Variants in MED17 observed in about 807,000 individuals in gnomAD.
MED17 encodes mediator complex subunit 17.
MED17 carries 49 observed loss-of-function variants against 80.8 expected under a neutral mutation model. The ratio of observed to expected loss-of-function variants is 0.61; its 90% CI spans 0.48 to 0.77. The LOEUF is 0.77. Ranked by LOEUF, MED17 falls within the 30% of genes least tolerant of loss-of-function variation. The pLI is 0.00. For synonymous variants in MED17, 281 were observed against 280.4 expected (o/e 1.00, Z -0.02); for missense variants, 718 against 787.0 (o/e 0.91, Z 1.05).
chr11:93,807,899 CAT>C (rs1301570464), intron 10 of MED17: 20 of 471,888 alleles, frequency 4.2e-5, no homozygotes, highest in East Asian at 1.3e-4. Context: ...TTTTTTCCCA[CAT>C]GTCATATTTG....
Position 93,797,686 on chromosome 11 carries a change from T to G in MED17, c.1295T>G (p.Ile432Ser). ...AGTGAAGGGCTTCTGGAAAAAATAATTAAACAAGCAAAGCATATTTTTCTA... is the reference window on the plus strand; with the variant it reads ...AGTGAAGGGCTTCTGGAAAAAATAAGTAAACAAGCAAAGCATATTTTTCTA... ...QSSEGLLEKI[I>S]KQAKHIFLRS... Residue 432 changes from isoleucine to serine, a missense_variant, in exon 8 of 12, where the codon ATT becomes AGT. Transcript: ENST00000251871. 6.2e-7 allele frequency: 1 copy of G among 1,613,600 alleles called. No homozygotes were observed. Among genetic ancestry groups the G allele is most frequent in the Non-Finnish European group, 8.5e-7 (1 of 1,179,572 alleles).
intron 10 of MED17, chr11:93,808,468 A>G (rs184072729): frequency 2.0e-5 from 3 of 151,090 alleles, no homozygotes; most frequent in East Asian, 3.9e-4. Flanking sequence ...CTTTCTTTTC[A>G]TATCTAACTG....
chr11:93,787,134 C>T (rs1943778775), intron 1 of MED17, among the ~76,000 whole-genome samples: 1 of 152,084 alleles, frequency 6.6e-6, no homozygotes, highest in Non-Finnish European at 1.5e-5. Flanking sequence ...CTCACTGGGG[C>T]CGGGCGCAGT....
At chr11:93,797,131 T>G in intron 7 of MED17, 1 of 219,618 alleles carries the variant, frequency 4.6e-6, no homozygotes, top group Non-Finnish European at 9.2e-6. Flanking sequence ...TATTTACTGA[T>G]TGCATGCGTT....
At position 93,794,985 on chromosome 11, in the gene MED17, C is replaced by T; in HGVS notation, c.937C>T (p.Arg313Trp). ...LCKEIFAQLS[R>W]EAVQIKSQVP... ...TAAAGAAATTTTTGCACAGCTCTCT[C>T]GGGAAGCTGTTCAAATTAAATCACA... Residue 313 changes from arginine to tryptophan, a missense_variant, in exon 6 of 12, where the codon CGG becomes TGG. Transcript: ENST00000251871. 1 of 1,614,044 alleles carries T rather than the reference C, an allele frequency of 6.2e-7. No individual in the cohort carries two copies. Among genetic ancestry groups the T allele is most frequent in the South Asian group, 1.1e-5 (1 of 91,074 alleles).
Position 93,796,558 on chromosome 11 carries a change from T to G in MED17, c.1143+18T>G. On this transcript the variant is annotated intron_variant, in intron 7 of 11. Coordinates refer to ENST00000251871, the MANE Select transcript of MED17 (RefSeq NM_004268.5). Reference sequence around the variant, plus strand: ...TTAGAGAGGTAAGGAAATAAATGTTTTTCTTTGCGCTGTGGTGAGTATGTC... The same window carrying G: ...TTAGAGAGGTAAGGAAATAAATGTTGTTCTTTGCGCTGTGGTGAGTATGTC... 6.2e-7 allele frequency: 1 copy of G among 1,613,610 alleles called. No individual in the cohort carries two copies. Among genetic ancestry groups the G allele is most frequent in the Non-Finnish European group, 8.5e-7 (1 of 1,179,756 alleles).
chr11:93,813,329 C>T lies in MED17; in HGVS notation c.*1265C>T, dbSNP rs563891302. 5.7e-4 allele frequency: 87 copies of T among 152,250 alleles called. 1 individual carries two copies. The highest frequency in any genetic ancestry group is 2.1e-3 in the African/African-American group (86 of 41,560). 9.4% of individuals were successfully genotyped at this position (152,250 alleles called of 1,614,324 possible). A position where few individuals can be genotyped will look rare whatever the true frequency, so the allele number is the denominator to read the frequency against. ...TTAAAGAAAAATGGAGCTTGTGGGC[C>T]ACGATAGAACAACTTTGTGCTTTTT... On this transcript the variant is annotated 3_prime_UTR_variant, in exon 12 of 12. Coordinates refer to ENST00000251871, the MANE Select transcript of MED17 (RefSeq NM_004268.5).
At chr11:93,809,673 A>G (rs1944066337) in intron 10 of MED17, 44 bp from the exon 11 acceptor site, 4 of 1,608,466 alleles carry the variant, frequency 2.5e-6, no homozygotes, top group African/African-American at 2.7e-5. Flanking sequence ...GTCACTGCAG[A>G]TATCTCTGCT....
At chr11:93,785,033 T>C in intron 1 of MED17, 1 of 571,084 alleles carries the variant, frequency 1.8e-6, no homozygotes, top group Non-Finnish European at 3.1e-6. Flanking sequence ...TGCTTCTCTG[T>C]AGAGGGCCTT....
At chr11:93,804,724 G>C (rs1013035974) in intron 9 of MED17, among the ~76,000 whole-genome samples, 20 of 152,158 alleles carry the variant, frequency 1.3e-4, no homozygotes, top group African/African-American at 4.8e-4. Context: ...ACACAGTTCA[G>C]TGGTCTTTAG....
At position 93,805,760 on chromosome 11, in the gene MED17, G is replaced by GT. The variant is rs1223577040; in HGVS notation, c.1467-1755dup. On this transcript the variant is annotated intron_variant, in intron 9 of 11. Transcript: ENST00000251871. The stretch of plus-strand genomic sequence containing the variant: ...ATTAATATATCTTCAAGCCTTTTGA[G>GT]TTTCGTTTTTCTTTGAGAAAACAAT... 4.6e-5 allele frequency among the ~76,000 whole-genome samples: 7 copies of GT among 152,098 alleles called. No homozygotes were observed. In the South Asian group the frequency reaches 1.2e-3, roughly 27 times the overall value.
chr11:93,797,338 T>C (rs763890995), intron 7 of MED17, 197 bp from the exon 8 acceptor site: 1 of 587,878 alleles, frequency 1.7e-6, no homozygotes. Context: ...AAGTTACAGC[T>C]TGAGAGCGAC....
At chr11:93,794,489 C>A in intron 5 of MED17, 1 of 253,522 alleles carries the variant, frequency 3.9e-6, no homozygotes, top group Middle Eastern at 1.5e-3. Flanking sequence ...CAGGCATGAG[C>A]CACCAGCACC....
chr11:93,787,810 G>A (rs999712192), intron 1 of MED17, among the ~76,000 whole-genome samples, 191 bp from the exon 2 acceptor site: 3 of 152,186 alleles, frequency 2.0e-5, no homozygotes, highest in African/African-American at 4.8e-5. Context: ...TTCATTTTGC[G>A]ATTGTAGGAA....
Position 93,812,399 on chromosome 11 carries a change from A to C in MED17, c.*335A>C. 2.0e-6 allele frequency: 1 copy of C among 502,664 alleles called. No individual in the cohort carries two copies. Among genetic ancestry groups the C allele is most frequent in the Non-Finnish European group, 3.5e-6 (1 of 289,596 alleles). 31.1% of individuals were successfully genotyped at this position (502,664 alleles called of 1,614,324 possible). A position where few individuals can be genotyped will look rare whatever the true frequency, so the allele number is the denominator to read the frequency against. ...TGACATCAAATAAAGTATGTGGTTTAAAAAAATCTCCAAATACCTTTTTTT... is the reference window on the plus strand; with the variant it reads ...TGACATCAAATAAAGTATGTGGTTTCAAAAAATCTCCAAATACCTTTTTTT... On this transcript the variant is annotated 3_prime_UTR_variant, in exon 12 of 12. Transcript: ENST00000251871.
intron 11 of MED17, chr11:93,811,243 A>G (rs1278765513): frequency 6.6e-6 from 1 of 152,342 alleles, no homozygotes; most frequent in Non-Finnish European, 1.5e-5. Flanking sequence ...TTAAAACCTG[A>G]AATTCTTAAT....
intron 9 of MED17, among the ~76,000 whole-genome samples, chr11:93,802,562 A>G (rs1943973627): frequency 6.6e-6 from 1 of 152,234 alleles, no homozygotes; most frequent in Non-Finnish European, 1.5e-5. Flanking sequence ...CCCGGCACTG[A>G]GCAGAAGGCT....
Position 93,797,300 on chromosome 11 carries a change from T to C in MED17, c.1144-235T>C, listed in dbSNP as rs1943914527. The C allele has an allele frequency of 5.9e-6, 3 of 512,006 alleles. No individual in the cohort carries two copies. The Admixed American group carries it at 1.0e-4, about 17-fold the overall frequency. 31.7% of individuals were successfully genotyped at this position (512,006 alleles called of 1,614,324 possible). On this transcript the variant is annotated intron_variant, in intron 7 of 11. Coordinates refer to ENST00000251871, the MANE Select transcript of MED17 (RefSeq NM_004268.5). ...CAAACCTTATTAGGATGTCGGCGCATTACCCATCTGACATGAGAAAAGGAA... is the reference window on the plus strand; with the variant it reads ...CAAACCTTATTAGGATGTCGGCGCACTACCCATCTGACATGAGAAAAGGAA...
chr11:93,809,358 C>A (rs141813496), intron 10 of MED17: 5 of 359,146 alleles, frequency 1.4e-5, no homozygotes, highest in Non-Finnish European at 2.2e-5. Context: ...AATGTAACCA[C>A]GTGTGTCAGC....
Sources: gnomAD v4.1 joint callset for allele counts (sites outside exome capture counted in the v4.1 genomes callset) on GRCh38, gnomAD v4.1.1 for gene constraint, MANE v1.5 for transcripts, NCBI Gene and HGNC (gene_info 2026-07-23, HGNC 2026-07-21) for gene names.